WDR11: variants seen among roughly 807,000 people sequenced by gnomAD.
WDR11 encodes the protein WD repeat domain 11.
In WDR11, 83 loss-of-function variants were observed where a neutral mutation model predicts 151.2. That is an observed-to-expected ratio of 0.55 (90% CI 0.46 to 0.66). The LOEUF is 0.66. WDR11 is among the 30% of genes least tolerant of loss of function. WDR11 has a pLI of 0.00. For synonymous variants in WDR11, 484 were observed against 533.1 expected, an observed-to-expected ratio of 0.91 and a Z score of 1.27; for missense variants, 1,301 against 1,480.9, an observed-to-expected ratio of 0.88 and a Z score of 1.99.
rs2133771142 is a variant in WDR11, at chr10:120,878,401, A to G, written c.1605A>G (p.Ser535=). 1 of 1,613,294 alleles carries G rather than the reference A, an allele frequency of 6.2e-7. No homozygotes were observed. The change falls in exon 12 of 29, where the codon TCA becomes TCG. Residue 535 remains serine (S), a synonymous_variant. Coordinates refer to ENST00000263461, the MANE Select transcript of WDR11 (RefSeq NM_018117.12). ...SLTSFLSFAT[S]TPNNMGLVRN... ...CTAGTTTTCTTTCTTTTGCTACCTCAACACCAAACAATATGGGATTAGTGA... is the reference window on the plus strand; with the variant it reads ...CTAGTTTTCTTTCTTTTGCTACCTCGACACCAAACAATATGGGATTAGTGA...
intron 20 of WDR11, among the ~76,000 whole-genome samples, chr10:120,900,403 T>C (rs1847772881): frequency 6.6e-6 from 1 of 152,032 alleles, no homozygotes; most frequent in African/African-American, 2.4e-5. Flanking sequence ...TGTGTCGTGA[T>C]GATGAAAAGG....
chr10:120,892,311 A>G (rs1327877321), intron 19 of WDR11, among the ~76,000 whole-genome samples: 1 of 152,056 alleles, frequency 6.6e-6, no homozygotes, highest in Non-Finnish European at 1.5e-5. Context: ...TTTTTTTTAT[A>G]TTCTTTTCAA....
chr10:120,894,834 T>A (rs1031472486), intron 19 of WDR11, among the ~76,000 whole-genome samples: 9 of 152,206 alleles, frequency 5.9e-5, no homozygotes, highest in Non-Finnish European at 1.0e-4. Flanking sequence ...AGCTCTTGCA[T>A]GTGAGTTTCT....
chr10:120,886,432 A>G (rs1847218281), intron 15 of WDR11, among the ~76,000 whole-genome samples: 1 of 152,180 alleles, frequency 6.6e-6, no homozygotes. Context: ...CAAAATCTCT[A>G]TGAATTTTAT....
chr10:120,851,408 G>C lies in WDR11; in HGVS notation c.-13G>C. 2 of 1,605,052 alleles carry C rather than the reference G, an allele frequency of 1.2e-6. No homozygotes were observed. The highest frequency in any genetic ancestry group is 1.7e-6 in the Non-Finnish European group (2 of 1,176,946). ...TTGCGGGTCAGCGCCCAGGTCCTGG[G>C]CTGGCCGCCGGGATGTTGCCCTACA... On this transcript the variant is annotated 5_prime_UTR_variant, in exon 1 of 29. Coordinates refer to ENST00000263461, the MANE Select transcript of WDR11 (RefSeq NM_018117.12).
At position 120,901,016 on chromosome 10, in the gene WDR11, T is replaced by G. The variant is rs780810122; in HGVS notation, c.2625-20T>G. 1 of 1,567,144 alleles carries G rather than the reference T, an allele frequency of 6.4e-7. No individual in the cohort carries two copies. Among genetic ancestry groups the G allele is most frequent in the Non-Finnish European group, 8.8e-7 (1 of 1,137,412 alleles). On this transcript the variant is annotated intron_variant, in intron 20 of 28. Transcript: ENST00000263461. ...TTAAGTGAAGAGATAATGAACTCAT[T>G]CAAAATTTTTTCTTTACAGTGACTA... is the stretch of plus-strand genomic sequence containing the variant.
intron 4 of WDR11, among the ~76,000 whole-genome samples, chr10:120,860,886 G>T (rs563672693): frequency 2.6e-5 from 4 of 152,258 alleles, no homozygotes; most frequent in African/African-American, 9.6e-5. Context: ...TTGAGCTATT[G>T]CTACTCTTCT....
intron 12 of WDR11, chr10:120,879,632 C>T (rs1846926900): frequency 2.0e-5 from 3 of 152,154 alleles, no homozygotes; most frequent in Non-Finnish European, 4.4e-5. Flanking sequence ...TACAGATTTC[C>T]TTAAGTGGGA....
chr10:120,859,403 G>A (rs1027165401), intron 3 of WDR11, among the ~76,000 whole-genome samples: 5 of 151,612 alleles, frequency 3.3e-5, no homozygotes, highest in African/African-American at 4.9e-5. Flanking sequence ...GAGTAGCTGG[G>A]ACCACAGGCA....
At position 120,878,350 on chromosome 10, in the gene WDR11, T is replaced by A; in HGVS notation, c.1557-3T>A. On this transcript the variant is annotated splice_polypyrimidine_tract_variant and splice_region_variant and intron_variant, in intron 11 of 28. Transcript: ENST00000263461. Reference sequence around the variant, plus strand: ...TTAACCTTTATCTCATTTCCTATTATAGGGGTATTGAATGGACAAGTTTGA... The same window carrying A: ...TTAACCTTTATCTCATTTCCTATTAAAGGGGTATTGAATGGACAAGTTTGA... The A allele has an allele frequency of 6.3e-7, 1 of 1,591,898 alleles. No individual in the cohort carries two copies. Among genetic ancestry groups the A allele is most frequent in the Non-Finnish European group, 8.6e-7 (1 of 1,160,398 alleles).
chr10:120,891,712 A>G (rs1847435667), intron 19 of WDR11, among the ~76,000 whole-genome samples: 1 of 152,220 alleles, frequency 6.6e-6, no homozygotes, highest in Non-Finnish European at 1.5e-5. Context: ...AGACACAGTA[A>G]GGTTTTAAAA....
intron 21 of WDR11, 65 bp downstream of exon 21, chr10:120,901,163 A>C: frequency 7.5e-7 from 1 of 1,335,716 alleles, no homozygotes; most frequent in Non-Finnish European, 1.1e-6. Flanking sequence ...TCAACTTTAA[A>C]TGCAATTCAA....
At chr10:120,906,077 G>T in intron 27 of WDR11, 56 bp downstream of exon 27, 1 of 1,612,202 alleles carries the variant, frequency 6.2e-7, no homozygotes, top group East Asian at 2.2e-5. Flanking sequence ...GTCACTTCAT[G>T]TTCTCTCGCG....
At chr10:120,905,207 T>C in intron 25 of WDR11, 112 bp from the exon 26 acceptor site, 1 of 956,926 alleles carries the variant, frequency 1.0e-6, no homozygotes, top group Non-Finnish European at 1.7e-6. Flanking sequence ...ATGTCTTCAG[T>C]AGGTATAAAA....
chr10:120,891,061 G>A (rs919876549), intron 19 of WDR11, among the ~76,000 whole-genome samples, 174 bp downstream of exon 19: 1 of 152,188 alleles, frequency 6.6e-6, no homozygotes, highest in Non-Finnish European at 1.5e-5. Context: ...CTGAGATGCT[G>A]CAATCTTTGT....
At chr10:120,905,662 C>A in intron 26 of WDR11, 1 of 894,704 alleles carries the variant, frequency 1.1e-6, no homozygotes, top group Non-Finnish European at 1.7e-6. Flanking sequence ...AGAGTCTGAG[C>A]CGAAACTACA....
chr10:120,906,070 A>G (rs751948812), intron 27 of WDR11, 49 bp downstream of exon 27: 4 of 1,612,378 alleles, frequency 2.5e-6, no homozygotes, highest in Non-Finnish European at 3.4e-6. Flanking sequence ...GTGAGCAGTC[A>G]CTTCATGTTC....
intron 14 of WDR11, chr10:120,885,168 A>T (rs560814177): frequency 6.6e-6 from 1 of 152,358 alleles, no homozygotes; most frequent in South Asian, 2.1e-4. Flanking sequence ...GAGAGAGGAG[A>T]CAGATTAACA....
rs1011374333 is a variant in WDR11 at position 120,860,096 on chromosome 10, C to T, written c.353-13C>T. The stretch of plus-strand genomic sequence containing the variant: ...GTTTCTGAATTTTGCCTTTCTTTAT[C>T]GGGTCTTTCCAGATGTTCAGTGGTT... On this transcript the variant is annotated splice_polypyrimidine_tract_variant and intron_variant, in intron 3 of 28. Coordinates refer to ENST00000263461, the MANE Select transcript of WDR11 (RefSeq NM_018117.12). 15 of 1,613,922 alleles carry T rather than the reference C, an allele frequency of 9.3e-6. 1 individual carries two copies. The highest frequency in any genetic ancestry group is 4.4e-5 in the South Asian group (4 of 91,078).
Sources: allele counts gnomAD v4.1 joint callset (sites outside exome capture counted in the v4.1 genomes callset), GRCh38; gene constraint gnomAD v4.1.1; transcripts MANE v1.5; gene names NCBI Gene and HGNC (gene_info 2026-07-23, HGNC 2026-07-21).